Variants in AZI2 observed in about 807,000 individuals in gnomAD.
AZI2 encodes the protein 5-azacytidine induced 2.
In AZI2, 22 loss-of-function variants were observed where a neutral mutation model predicts 45.8. The observed-to-expected ratio is 0.48, with a 90% CI of 0.34 to 0.69. The LOEUF is 0.69. AZI2 is among the 30% of genes least tolerant of loss of function. AZI2 has a pLI of 0.01. For missense variants in AZI2, 417 were observed against 441.5 expected (o/e 0.94, Z 0.50); for synonymous variants, 137 against 156.7 (o/e 0.87, Z 0.94).
At chr3:28,327,759 G>T (rs1340144413) in intron 6 of AZI2, among the ~76,000 whole-genome samples, 1 of 149,828 alleles carries the variant, frequency 6.7e-6, no homozygotes, top group East Asian at 2.0e-4. Context: ...CTGCTTAATT[G>T]CCAACTAAAT....
chr3:28,345,463 T>G (rs1433051494), intron 1 of AZI2, among the ~76,000 whole-genome samples: 1 of 152,146 alleles, frequency 6.6e-6, no homozygotes, highest in Non-Finnish European at 1.5e-5. Context: ...ATGCAAACAT[T>G]TTATATATTT....
In AZI2 at chr3:28,329,925, A is replaced by G. The variant is rs537534819; in HGVS notation, c.647+2444T>C. On this transcript the variant is annotated intron_variant, in intron 6 of 7. Transcript: ENST00000479665. ...TGGTGTGTTCTTTCTGACTTATTCCATATTTTTATAATGCTTATTATAACT... is the reference window on the plus strand; with the variant it reads ...TGGTGTGTTCTTTCTGACTTATTCCGTATTTTTATAATGCTTATTATAACT... Among the ~76,000 whole-genome samples the G allele has an allele frequency of 2.8e-4, 42 of 151,366 alleles. 1 individual carries two copies. The South Asian group carries it at 8.5e-3, about 31-fold the overall frequency.
In AZI2 at chr3:28,334,041, T is replaced by C. The variant is rs79614299; in HGVS notation, c.589-1614A>G. ...GTTCTGAATATAAATGGCTGGAATA[T>C]TAGGGGACACAGAAAGTCTAAAAGG... is the stretch of plus-strand genomic sequence containing the variant. On this transcript the variant is annotated intron_variant, in intron 5 of 7. Coordinates refer to ENST00000479665, the MANE Select transcript of AZI2 (RefSeq NM_022461.5). Among the ~76,000 whole-genome samples the C allele has an allele frequency of 4.7e-4, 71 of 151,608 alleles. 1 individual carries two copies. In the East Asian group the frequency reaches 8.4e-3, roughly 18 times the overall value.
At chr3:28,328,840 T>C (rs1703479317) in intron 6 of AZI2, among the ~76,000 whole-genome samples, 1 of 151,288 alleles carries the variant, frequency 6.6e-6, no homozygotes, top group South Asian at 2.1e-4. Context: ...TAAAAAATTA[T>C]TTTAAATTCT....
At chr3:28,342,494 C>T (rs1195376397) in intron 1 of AZI2, among the ~76,000 whole-genome samples, 1 of 152,004 alleles carries the variant, frequency 6.6e-6, no homozygotes, top group East Asian at 1.9e-4. Flanking sequence ...GCTGCATTTT[C>T]TCCTAATGAT....
chr3:28,331,845 T>A (rs746711301), intron 6 of AZI2: 12 of 1,545,766 alleles, frequency 7.8e-6, no homozygotes, highest in Middle Eastern at 1.7e-4. Flanking sequence ...AAAAAGTATA[T>A]GAACTCTGAT....
intron 6 of AZI2, chr3:28,332,072 A>G: frequency 4.6e-6 from 3 of 659,286 alleles, no homozygotes; most frequent in Non-Finnish European, 7.7e-6. Context: ...TTCTTCATGT[A>G]CAAATTCAGT....
At chr3:28,335,832 T>C (rs1180368923) in intron 5 of AZI2, among the ~76,000 whole-genome samples, 3 of 152,126 alleles carry the variant, frequency 2.0e-5, no homozygotes, top group Non-Finnish European at 2.9e-5. Flanking sequence ...AATTCCTCAA[T>C]AGTGTTAGAA....
At chr3:28,331,118 TA>T (rs1231123722) in intron 6 of AZI2, among the ~76,000 whole-genome samples, 1 of 151,338 alleles carries the variant, frequency 6.6e-6, no homozygotes, top group Non-Finnish European at 1.5e-5. Context: ...CCAAATTATG[TA>T]ATCTCCCATG....
At position 28,340,444 on chromosome 3, in the gene AZI2, C is replaced by A; in HGVS notation, c.174G>T (p.Glu58Asp). The change falls in exon 2 of 8, where the codon GAG becomes GAT. Residue 58 changes from glutamate (E) to aspartate (D), a missense_variant. Transcript: ENST00000479665. Reference protein sequence around the residue: ...IKKRLKDSEKENSLLKKRIRF... With the variant: ...IKKRLKDSEKDNSLLKKRIRF... Reference sequence around the variant, plus strand: ...TTATTCTCTTCTTTAACAAAGAGTTCTCTTTCTCTGAATCCTTAAGTCGTT... The same window carrying A: ...TTATTCTCTTCTTTAACAAAGAGTTATCTTTCTCTGAATCCTTAAGTCGTT... 1.2e-6 allele frequency: 2 copies of A among 1,611,244 alleles called. No individual in the cohort carries two copies. Among genetic ancestry groups the A allele is most frequent in the Non-Finnish European group, 1.7e-6 (2 of 1,178,016 alleles).
intron 2 of AZI2, among the ~76,000 whole-genome samples, 159 bp from the exon 3 acceptor site, chr3:28,338,774 A>G (rs1269508225): frequency 6.6e-6 from 1 of 152,228 alleles, no homozygotes; most frequent in African/African-American, 2.4e-5. Flanking sequence ...TAATCTTTAC[A>G]TAGAAAGCAA....
chr3:28,323,856 G>T lies in AZI2; in HGVS notation c.*186C>A. ...TTCTTAGAATATGGAGCTAGAGGGT[G>T]CTCTTTCATACTAGAAAACCAACTA... On this transcript the variant is annotated 3_prime_UTR_variant, in exon 8 of 8. Transcript: ENST00000479665. 1 of 538,330 alleles carries T rather than the reference G, an allele frequency of 1.9e-6. No individual in the cohort carries two copies. The highest frequency in any genetic ancestry group is 1.9e-5 in the African/African-American group (1 of 52,734). 33.3% of individuals were successfully genotyped at this position (538,330 alleles called of 1,614,324 possible).
chr3:28,333,596 GAC>G (rs1293282619), intron 5 of AZI2, among the ~76,000 whole-genome samples: 2 of 151,396 alleles, frequency 1.3e-5, no homozygotes, highest in African/African-American at 2.4e-5. Context: ...AAAAAAATTT[GAC>G]AGTTTGAGTG....
intron 6 of AZI2, chr3:28,332,058 A>G (rs779830068): frequency 8.3e-5 from 57 of 689,542 alleles, no homozygotes; most frequent in Non-Finnish European, 1.2e-4. Flanking sequence ...TATATAATGA[A>G]TAATTCTTCA....
chr3:28,342,137 T>A (rs894494337), intron 1 of AZI2, among the ~76,000 whole-genome samples: 1 of 152,078 alleles, frequency 6.6e-6, no homozygotes, highest in Admixed American at 6.6e-5. Flanking sequence ...TGGTCTTATA[T>A]CATTATATTT....
intron 1 of AZI2, among the ~76,000 whole-genome samples, chr3:28,346,467 T>C (rs1048694227): frequency 5.9e-5 from 9 of 152,160 alleles, no homozygotes; most frequent in African/African-American, 1.7e-4. Flanking sequence ...CACACCAAAC[T>C]TGGCAAGAAA....
chr3:28,348,663 G>C lies in AZI2; in HGVS notation c.-68C>G, dbSNP rs1704379212. 1 of 153,004 alleles carries C rather than the reference G, an allele frequency of 6.5e-6. No homozygotes were observed. Among genetic ancestry groups the C allele is most frequent in the African/African-American group, 2.4e-5 (1 of 41,596 alleles). The allele number at this position is 153,004 out of a possible 1,614,324, so 9.5% of individuals were successfully genotyped here. A position where few individuals can be genotyped will look rare whatever the true frequency, so the allele number is the denominator to read the frequency against. On this transcript the variant is annotated 5_prime_UTR_variant, in exon 1 of 8. Coordinates refer to ENST00000479665, the MANE Select transcript of AZI2 (RefSeq NM_022461.5). ...CCGAGTTTCGATTCCTTAGTGTTTG[G>C]AAACGGACCGAAAACAAACCGGGTC...
rs1049766378 is a variant in AZI2, at chr3:28,332,069, T to G, written c.647+300A>C. 5 of 668,980 alleles carry G rather than the reference T, an allele frequency of 7.5e-6. No individual in the cohort carries two copies. The East Asian group carries it at 8.2e-5, about 11-fold the overall frequency. The allele number at this position is 668,980 out of a possible 1,614,324, so 41.4% of individuals were successfully genotyped here. A position where few individuals can be genotyped will look rare whatever the true frequency, so the allele number is the denominator to read the frequency against. On this transcript the variant is annotated intron_variant, in intron 6 of 7. Coordinates refer to ENST00000479665, the MANE Select transcript of AZI2 (RefSeq NM_022461.5). Reference sequence around the variant, plus strand: ...ATTATATATAATGAATAATTCTTCATGTACAAATTCAGTATTACAGAATAC... The same window carrying G: ...ATTATATATAATGAATAATTCTTCAGGTACAAATTCAGTATTACAGAATAC...
chr3:28,347,901 C>T (rs1704322348), intron 1 of AZI2, among the ~76,000 whole-genome samples: 1 of 152,204 alleles, frequency 6.6e-6, no homozygotes. Flanking sequence ...GTCTTCTACA[C>T]ATAAGGCGCA....
Sources: gnomAD v4.1 joint callset for allele counts (sites outside exome capture counted in the v4.1 genomes callset) on GRCh38, gnomAD v4.1.1 for gene constraint, MANE v1.5 for transcripts, NCBI Gene and HGNC (gene_info 2026-07-23, HGNC 2026-07-21) for gene names.